Variants in RLBP1 observed in about 807,000 individuals in gnomAD.
RLBP1 encodes the protein retinaldehyde binding protein 1.
In RLBP1, 26 loss-of-function variants were observed where a neutral mutation model predicts 36.2. The ratio of observed to expected loss-of-function variants is 0.72; its 90% CI spans 0.53 to 1.00. RLBP1 has a LOEUF of 1.00. Ranked by LOEUF, RLBP1 falls within the 50% of genes least tolerant of loss-of-function variation. The pLI is 0.00. For synonymous variants in RLBP1, 155 were observed against 156.2 expected (o/e 0.99, Z 0.06); for missense variants, 410 against 402.4 (o/e 1.02, Z -0.16).
chr15:89,220,040 A>G (rs2051614120), intron 1 of RLBP1, among the ~76,000 whole-genome samples, 181 bp from the exon 2 acceptor site: 1 of 152,192 alleles, frequency 6.6e-6, no homozygotes, highest in African/African-American at 2.4e-5. Flanking sequence ...AGTGCCTTCA[A>G]GAACCCTTCA....
At position 89,218,433 on chromosome 15, in the gene RLBP1, C is replaced by A. The variant is rs3825991; in HGVS notation, c.141+132G>T. Reference sequence around the variant, plus strand: ...TGACCACCAGGAAGGACCTTAGAACCGGCCAGTCTATCAGGTCCAGGATGA... The same window carrying A: ...TGACCACCAGGAAGGACCTTAGAACAGGCCAGTCTATCAGGTCCAGGATGA... On this transcript the variant is annotated intron_variant, in intron 4 of 8. Coordinates refer to ENST00000268125, the MANE Select transcript of RLBP1 (RefSeq NM_000326.5). The surrounding 1 kb of genome is among the most constrained non-coding windows in gnomAD (Gnocchi z 4.6). 0.46 allele frequency: 626,187 copies of A among 1,356,422 alleles called. 146,839 individuals are homozygous for A. Among genetic ancestry groups the A allele is most frequent in the Non-Finnish European group, 0.48 (461,517 of 966,142 alleles). The allele number at this position is 1,356,422 out of a possible 1,614,324, so 84.0% of individuals were successfully genotyped here. A position where few individuals can be genotyped will look rare whatever the true frequency, so the allele number is the denominator to read the frequency against.
rs1212200762 is a variant in RLBP1, at chr15:89,210,672, C to T, written c.795+27G>A. 1 of 1,507,582 alleles carries T rather than the reference C, an allele frequency of 6.6e-7. No homozygotes were observed. The highest frequency in any genetic ancestry group is 2.4e-5 in the East Asian group (1 of 42,334). 93.4% of individuals were successfully genotyped at this position (1,507,582 alleles called of 1,614,324 possible). ...GGCCCCACCCTCAGCCCTCTTGTCT[C>T]ATTGTCTGGGCGGCCCACGTACTCA... On this transcript the variant is annotated intron_variant, in intron 8 of 8. Coordinates refer to ENST00000268125, the MANE Select transcript of RLBP1 (RefSeq NM_000326.5). This position sits in a 1 kb window ranked among gnomAD's most constrained non-coding sequence, Gnocchi z 4.7.
At chr15:89,217,499 G>A (rs1331350421) in intron 4 of RLBP1, among the ~76,000 whole-genome samples, 175 bp from the exon 5 acceptor site, 1 of 152,240 alleles carries the variant, frequency 6.6e-6, no homozygotes, top group Non-Finnish European at 1.5e-5. Flanking sequence ...ACCTGAGACT[G>A]TTGTGTGTGG....
At chr15:89,220,736 G>C (rs2051619880) in intron 1 of RLBP1, among the ~76,000 whole-genome samples, 1 of 152,188 alleles carries the variant, frequency 6.6e-6, no homozygotes, top group Non-Finnish European at 1.5e-5. Context: ...ACTGCCCTGG[G>C]GAGCCCAGGC....
Position 89,210,372 on chromosome 15 carries a change from G to T in RLBP1, c.867C>A (p.Phe289Leu). Reference sequence around the variant, plus strand: ...CATCATACTTGGGCAGCGTGCCCCCGAAGTCAGAGGGCAGGATGTTCTCAT... The same window carrying T: ...CATCATACTTGGGCAGCGTGCCCCCTAAGTCAGAGGGCAGGATGTTCTCAT... Reference protein sequence around the residue: ...EIDENILPSDFGGTLPKYDGK... With the variant: ...EIDENILPSDLGGTLPKYDGK... Residue 289 changes from phenylalanine to leucine, a missense_variant, in exon 9 of 9, where the codon TTC becomes TTA. Coordinates refer to ENST00000268125, the MANE Select transcript of RLBP1 (RefSeq NM_000326.5). This position sits in a 1 kb window ranked among gnomAD's most constrained non-coding sequence, Gnocchi z 4.7. The T allele has an allele frequency of 6.2e-7, 1 of 1,614,188 alleles. No homozygotes were observed. The highest frequency in any genetic ancestry group is 8.5e-7 in the Non-Finnish European group (1 of 1,179,998).
At chr15:89,215,609 G>A (rs557253169) in intron 5 of RLBP1, among the ~76,000 whole-genome samples, 30 of 152,310 alleles carry the variant, frequency 2.0e-4, no homozygotes, top group African/African-American at 5.5e-4. Context: ...CACAGGATAA[G>A]CTGAGTGGTG....
rs193259512 is a variant in RLBP1, at chr15:89,220,603, T to C, written c.-223-744A>G. Among the ~76,000 whole-genome samples the C allele has an allele frequency of 4.6e-3, 703 of 152,230 alleles. 1 individual carries two copies. The highest frequency in any genetic ancestry group is 0.016 in the African/African-American group (653 of 41,530). ...ATAATCCACCCACAGGAACCAAATC[T>C]AAGCCACCTTTCTGGCTGGTAGACA... On this transcript the variant is annotated intron_variant, in intron 1 of 8. Coordinates refer to ENST00000268125, the MANE Select transcript of RLBP1 (RefSeq NM_000326.5).
Position 89,210,868 on chromosome 15 carries a change from C to G in RLBP1, c.685-59G>C. The G allele has an allele frequency of 8.6e-7, 1 of 1,156,108 alleles. No homozygotes were observed. Among genetic ancestry groups the G allele is most frequent in the East Asian group, 2.6e-5 (1 of 37,924 alleles). The allele number at this position is 1,156,108 out of a possible 1,614,324, so 71.6% of individuals were successfully genotyped here. A position where few individuals can be genotyped will look rare whatever the true frequency, so the allele number is the denominator to read the frequency against. ...GCCCCAGTGACCTCAGAGGCTCCCACTCATTCCCTGCTGCCTCTCCTCATG... is the reference window on the plus strand; with the variant it reads ...GCCCCAGTGACCTCAGAGGCTCCCAGTCATTCCCTGCTGCCTCTCCTCATG... On this transcript the variant is annotated intron_variant, in intron 7 of 8. Coordinates refer to ENST00000268125, the MANE Select transcript of RLBP1 (RefSeq NM_000326.5). This position sits in a 1 kb window ranked among gnomAD's most constrained non-coding sequence, Gnocchi z 4.7.
intron 6 of RLBP1, 118 bp from the exon 7 acceptor site, chr15:89,212,019 G>C (rs1026477289): frequency 1.3e-5 from 13 of 1,029,810 alleles, no homozygotes; most frequent in Non-Finnish European, 1.5e-5. Flanking sequence ...TGCAGGCTTT[G>C]ATCTCGGACA....
chr15:89,212,551 C>G (rs544376259), intron 6 of RLBP1, among the ~76,000 whole-genome samples: 51 of 146,846 alleles, frequency 3.5e-4, no homozygotes, highest in Non-Finnish European at 6.7e-4. Context: ...CGCCACTGCT[C>G]TCCAACCTAG....
Position 89,211,738 on chromosome 15 carries a change from C to T in RLBP1, c.684+5G>A. 2.5e-6 allele frequency: 4 copies of T among 1,613,582 alleles called. No homozygotes were observed. Among genetic ancestry groups the T allele is most frequent in the Non-Finnish European group, 3.4e-6 (4 of 1,179,986 alleles). On this transcript the variant is annotated splice_donor_5th_base_variant and intron_variant, in intron 7 of 8. Coordinates refer to ENST00000268125, the MANE Select transcript of RLBP1 (RefSeq NM_000326.5). This position sits in a 1 kb window ranked among gnomAD's most constrained non-coding sequence, Gnocchi z 5.8. ...GCTGCCGTGCGACAGAACTCTAAGCCTCACCTGGAGCATGTCCACCATCTT... is the reference window on the plus strand; with the variant it reads ...GCTGCCGTGCGACAGAACTCTAAGCTTCACCTGGAGCATGTCCACCATCTT...
rs769770827 is a variant in RLBP1, at chr15:89,218,960, T to C, written c.12+4A>G. Reference sequence around the variant, plus strand: ...AGGAGAGCCCTGGAGGACAGGGTACTTACCCCTTCTGACATGTTGCCTATG... The same window carrying C: ...AGGAGAGCCCTGGAGGACAGGGTACCTACCCCTTCTGACATGTTGCCTATG... On this transcript the variant is annotated splice_donor_region_variant and intron_variant, in intron 3 of 8. Coordinates refer to ENST00000268125, the MANE Select transcript of RLBP1 (RefSeq NM_000326.5). The surrounding 1 kb of genome is among the most constrained non-coding windows in gnomAD (Gnocchi z 4.6). 2.4e-5 allele frequency: 38 copies of C among 1,613,880 alleles called. No homozygotes were observed. Among genetic ancestry groups the C allele is most frequent in the Non-Finnish European group, 3.1e-5 (37 of 1,179,918 alleles).
At chr15:89,213,874 A>T (rs60784467) in intron 6 of RLBP1, among the ~76,000 whole-genome samples, 1,882 of 152,322 alleles carry the variant, frequency 0.012, 41 homozygotes, top group African/African-American at 0.042. Flanking sequence ...TTAATTCTGA[A>T]GATCATAGGG....
At chr15:89,216,925 C>G (rs2051585179) in intron 5 of RLBP1, among the ~76,000 whole-genome samples, 195 bp downstream of exon 5, 1 of 152,220 alleles carries the variant, frequency 6.6e-6, no homozygotes, top group African/African-American at 2.4e-5. Context: ...GAAATCTGCT[C>G]CTGACACACT....
In RLBP1 at chr15:89,211,920, A is replaced by C; in HGVS notation, c.526-19T>G. 1 of 1,613,974 alleles carries C rather than the reference A, an allele frequency of 6.2e-7. No individual in the cohort carries two copies. The highest frequency in any genetic ancestry group is 8.5e-7 in the Non-Finnish European group (1 of 1,179,954). On this transcript the variant is annotated intron_variant, in intron 6 of 8. Coordinates refer to ENST00000268125, the MANE Select transcript of RLBP1 (RefSeq NM_000326.5). This position sits in a 1 kb window ranked among gnomAD's most constrained non-coding sequence, Gnocchi z 5.8. ...GCAAGATCTTGGGCACAGAGAGAAC[A>C]GGCTGTAAGATCTAACCCGCAACAA...
At chr15:89,219,371 GA>G (rs2051608787) in intron 2 of RLBP1, among the ~76,000 whole-genome samples, 1 of 152,090 alleles carries the variant, frequency 6.6e-6, no homozygotes, top group African/African-American at 2.4e-5. Context: ...GCCCTGCCAG[GA>G]AAAAAAGAAT....
chr15:89,220,626 A>G (rs2051619089), intron 1 of RLBP1, among the ~76,000 whole-genome samples: 1 of 152,122 alleles, frequency 6.6e-6, no homozygotes, highest in Admixed American at 6.5e-5. Flanking sequence ...TGGCTGGTAG[A>G]CATCCAGGTA....
At chr15:89,217,391 A>T in intron 4 of RLBP1, 67 bp from the exon 5 acceptor site, 1 of 1,507,532 alleles carries the variant, frequency 6.6e-7, no homozygotes, top group Non-Finnish European at 9.1e-7. Flanking sequence ...CACACAGGTG[A>T]TGAGTCTCCT....
At chr15:89,212,580 T>C (rs1351173187) in intron 6 of RLBP1, among the ~76,000 whole-genome samples, 2 of 132,962 alleles carry the variant, frequency 1.5e-5, no homozygotes, top group Non-Finnish European at 3.1e-5. Flanking sequence ...AGCAAAACTG[T>C]GTCTCAAAAA....
Sources: allele counts gnomAD v4.1 joint callset (sites outside exome capture counted in the v4.1 genomes callset), GRCh38; gene constraint gnomAD v4.1.1; non-coding constraint Gnocchi (gnomAD v3.1); transcripts MANE v1.5; gene names NCBI Gene and HGNC (gene_info 2026-07-23, HGNC 2026-07-21).